TTC28: variants seen among roughly 807,000 people sequenced by gnomAD.
TTC28 encodes tetratricopeptide repeat domain 28, also known as tetratricopeptide repeat protein 28.
TTC28 carries 61 observed loss-of-function variants against 198.0 expected under a neutral mutation model. That is an observed-to-expected ratio of 0.31 (90% CI 0.25 to 0.38). The LOEUF (loss-of-function observed/expected upper bound fraction) is 0.38, where lower values mean the gene tolerates loss of function less well. TTC28 is among the 10% of genes least tolerant of loss of function. TTC28 has a pLI of 1.00. For synonymous variants in TTC28, 1,171 were observed against 1,297.8 expected (o/e 0.90, Z 2.10); for missense variants, 2,678 against 3,164.0 (o/e 0.85, Z 3.69).
intron 2 of TTC28, among the ~76,000 whole-genome samples, chr22:28,324,697 T>C (rs1002046861): frequency 2.6e-5 from 4 of 152,210 alleles, no homozygotes; most frequent in East Asian, 1.9e-4. Flanking sequence ...ACACCCTTCA[T>C]GTTAAAAACT....
At chr22:28,602,675 C>T (rs2050659040) in intron 2 of TTC28, among the ~76,000 whole-genome samples, 1 of 151,898 alleles carries the variant, frequency 6.6e-6, no homozygotes, top group African/African-American at 2.4e-5. Flanking sequence ...TTTAACATTT[C>T]AAAAGTAAAA....
intron 2 of TTC28, among the ~76,000 whole-genome samples, chr22:28,490,538 A>C (rs1321968837): frequency 3.3e-5 from 5 of 152,364 alleles, no homozygotes; most frequent in African/African-American, 4.8e-5. Context: ...GCCCAGAATG[A>C]AAAGAACCAG....
chr22:28,006,827 G>A (rs183026611), intron 14 of TTC28: 1 of 152,330 alleles, frequency 6.6e-6, no homozygotes, highest in African/African-American at 2.4e-5. Flanking sequence ...GAGCTCTTCA[G>A]AAAGCACTCA....
chr22:28,557,533 T>C (rs1298176683), intron 2 of TTC28, among the ~76,000 whole-genome samples: 1 of 152,254 alleles, frequency 6.6e-6, no homozygotes, highest in East Asian at 1.9e-4. Flanking sequence ...CTTGGTCATA[T>C]TTGATACTCT....
chr22:28,247,014 A>T (rs192775187), intron 5 of TTC28, among the ~76,000 whole-genome samples: 4 of 152,216 alleles, frequency 2.6e-5, no homozygotes, highest in Admixed American at 2.0e-4. Flanking sequence ...CTAGAGCCCT[A>T]CCTGAGGGCA....
At chr22:28,057,819 C>G (rs1940350126) in intron 12 of TTC28, among the ~76,000 whole-genome samples, 1 of 152,030 alleles carries the variant, frequency 6.6e-6, no homozygotes, top group East Asian at 1.9e-4. Context: ...TAGATATACC[C>G]AGTTGTTCCA....
At chr22:28,648,221 C>CAAAAA (rs34510876) in intron 1 of TTC28, among the ~76,000 whole-genome samples, 1 of 62,464 alleles carries the variant, frequency 1.6e-5, no homozygotes, top group Non-Finnish European at 3.2e-5. Flanking sequence ...GAGACTCTGT[C>CAAAAA]AAAAAAAAAA....
Position 28,447,432 on chromosome 22 carries a change from C to T in TTC28, c.382-140789G>A, listed in dbSNP as rs559747287. Among the ~76,000 whole-genome samples, 6 of 152,312 alleles carry T rather than the reference C, an allele frequency of 3.9e-5. No individual in the cohort carries two copies. The East Asian group carries it at 1.2e-3, about 29-fold the overall frequency. On this transcript the variant is annotated intron_variant, in intron 2 of 22. Transcript: ENST00000397906. ...AACTGTTTGCTCAAAAATTCTAAAG[C>T]ATCCTAACAGGCCAAACAAAACCTG...
intron 6 of TTC28, among the ~76,000 whole-genome samples, chr22:28,145,499 G>A (rs1317486391): frequency 6.6e-6 from 1 of 151,950 alleles, no homozygotes; most frequent in East Asian, 1.9e-4. Context: ...TAGAATCTGG[G>A]GCGGGTTTCT....
At chr22:28,004,480 T>C (rs1287154980) in intron 14 of TTC28, among the ~76,000 whole-genome samples, 1 of 152,186 alleles carries the variant, frequency 6.6e-6, no homozygotes, top group Non-Finnish European at 1.5e-5. Context: ...ATAGGGAGGC[T>C]GTTCTCTGAA....
At chr22:28,034,564 G>T (rs775872676) in intron 12 of TTC28, among the ~76,000 whole-genome samples, 2 of 152,186 alleles carry the variant, frequency 1.3e-5, no homozygotes, top group Non-Finnish European at 2.9e-5. Context: ...TCTTGTTCCA[G>T]GGGCCTAACT....
intron 5 of TTC28, among the ~76,000 whole-genome samples, chr22:28,164,160 C>G (rs10212007): frequency 0.086 from 13,031 of 152,248 alleles, 613 homozygotes; most frequent in South Asian, 0.11. Context: ...CTCGAACTGG[C>G]TGGAGCCCAC....
rs368011192 is a variant in TTC28, at chr22:28,469,921, G to T, written c.381+159631C>A. On this transcript the variant is annotated intron_variant, in intron 2 of 22. Coordinates refer to ENST00000397906, the MANE Select transcript of TTC28 (RefSeq NM_001145418.2). ...GTGATCACAGTTCACTATGCACCTT[G>T]AACTCCTGAGCTCAAGTGATCCTCT... Among the ~76,000 whole-genome samples, 22 of 152,270 alleles carry T rather than the reference G, an allele frequency of 1.4e-4. No homozygotes were observed. In the East Asian group the frequency reaches 4.0e-3, roughly 28 times the overall value.
At chr22:27,992,823 G>T (rs761844599) in intron 18 of TTC28, 160 bp from the exon 19 acceptor site, 13 of 707,620 alleles carry the variant, frequency 1.8e-5, no homozygotes, top group Admixed American at 2.9e-5. Context: ...CTTGGAAAAG[G>T]ACAGCGTGGT....
chr22:28,438,668 G>C (rs990018257), intron 2 of TTC28, among the ~76,000 whole-genome samples: 1 of 152,098 alleles, frequency 6.6e-6, no homozygotes, highest in African/African-American at 2.4e-5. Context: ...ACTAATCCTT[G>C]GATTTTAAAG....
intron 2 of TTC28, among the ~76,000 whole-genome samples, chr22:28,596,419 TG>T (rs2050544763): frequency 6.6e-6 from 1 of 152,168 alleles, no homozygotes; most frequent in South Asian, 2.1e-4. Flanking sequence ...CTAAGTGAGA[TG>T]GGAAGTTATT....
At chr22:28,433,627 G>C (rs2047469098) in intron 2 of TTC28, among the ~76,000 whole-genome samples, 2 of 152,094 alleles carry the variant, frequency 1.3e-5, no homozygotes, top group Admixed American at 1.3e-4. Flanking sequence ...TATAGAACTA[G>C]TTAATATTTA....
At chr22:28,655,302 T>A (rs992915230) in intron 1 of TTC28, among the ~76,000 whole-genome samples, 3 of 152,210 alleles carry the variant, frequency 2.0e-5, no homozygotes, top group African/African-American at 7.2e-5. Flanking sequence ...AATCTTTCCA[T>A]GTATTATCTA....
At chr22:28,166,244 T>C (rs1348597161) in intron 5 of TTC28, among the ~76,000 whole-genome samples, 2 of 152,184 alleles carry the variant, frequency 1.3e-5, no homozygotes, top group African/African-American at 4.8e-5. Flanking sequence ...TAAACCCCAC[T>C]GTCAACATTA....
Sources: allele counts gnomAD v4.1 joint callset (sites outside exome capture counted in the v4.1 genomes callset), GRCh38; gene constraint gnomAD v4.1.1; transcripts MANE v1.5; gene names NCBI Gene and HGNC (gene_info 2026-07-23, HGNC 2026-07-21).